Variants in APP observed in about 807,000 individuals in gnomAD.
APP encodes amyloid-beta precursor protein.
Under a neutral mutation model 101.4 loss-of-function variants are expected in APP, and 31 were observed. The ratio of observed to expected loss-of-function variants is 0.31; its 90% CI spans 0.23 to 0.41. The LOEUF (loss-of-function observed/expected upper bound fraction) is 0.41, where lower values mean the gene tolerates loss of function less well. Ranked by LOEUF, APP falls within the 10% of genes least tolerant of loss-of-function variation. The pLI is 1.00. For missense variants in APP, 839 were observed against 1,003.7 expected (o/e 0.84, Z 2.22); for synonymous variants, 366 against 364.4 (o/e 1.00, Z -0.05).
At position 25,999,301 on chromosome 21, in the gene APP, A is replaced by C. The variant is rs185035635; in HGVS notation, c.1033+714T>G. ...AATGAGACCCTGTCTTTAAAAAAAC[A>C]AAAAAAATAAAATTATGTTCCTCGA... On this transcript the variant is annotated intron_variant, in intron 7 of 17. Transcript: ENST00000346798. 3.6e-3 allele frequency among the ~76,000 whole-genome samples: 548 copies of C among 152,066 alleles called. 3 individuals carry two copies. Among genetic ancestry groups the C allele is most frequent in the Non-Finnish European group, 6.0e-3 (405 of 67,980 alleles).
At chr21:26,050,117 C>G (rs2045776850) in intron 5 of APP, among the ~76,000 whole-genome samples, 1 of 151,976 alleles carries the variant, frequency 6.6e-6, no homozygotes. Context: ...TCTATGGGGG[C>G]CCTAGTAGCA....
chr21:25,906,801 T>G (rs1380538115), intron 14 of APP, among the ~76,000 whole-genome samples: 1 of 151,762 alleles, frequency 6.6e-6, no homozygotes, highest in Non-Finnish European at 1.5e-5. Flanking sequence ...CAACTGCAGT[T>G]AAGAACACAA....
In APP at chr21:25,881,782, A is replaced by G; in HGVS notation, c.2212-11T>C. On this transcript the variant is annotated splice_polypyrimidine_tract_variant and intron_variant, in intron 17 of 17. Coordinates refer to ENST00000346798, the MANE Select transcript of APP (RefSeq NM_000484.4). ...GACAGCGGCGTCAACCTGAAAAACAAGAGGAGAGCTGAGTAAAAAATAAAA... is the reference window on the plus strand; with the variant it reads ...GACAGCGGCGTCAACCTGAAAAACAGGAGGAGAGCTGAGTAAAAAATAAAA... The G allele has an allele frequency of 6.2e-7, 1 of 1,609,494 alleles. No individual in the cohort carries two copies. Among genetic ancestry groups the G allele is most frequent in the Non-Finnish European group, 8.5e-7 (1 of 1,177,786 alleles).
intron 5 of APP, among the ~76,000 whole-genome samples, chr21:26,022,564 G>C (rs1029260849): frequency 5.9e-5 from 9 of 151,992 alleles, no homozygotes; most frequent in Non-Finnish European, 1.2e-4. Context: ...TGTTAATCCA[G>C]GGGAAACTGT....
chr21:25,890,436 T>C (rs2037613592), intron 17 of APP, among the ~76,000 whole-genome samples: 1 of 152,180 alleles, frequency 6.6e-6, no homozygotes, highest in African/African-American at 2.4e-5. Context: ...CCTGGACTTT[T>C]CTCTGATGGA....
Position 25,997,436 on chromosome 21 carries a change from A to T in APP, c.1034-20T>A, listed in dbSNP as rs372561473. On this transcript the variant is annotated intron_variant, in intron 7 of 17. Transcript: ENST00000346798. The stretch of plus-strand genomic sequence containing the variant: ...GGGACACTATGGAAAAAATAAGAGA[A>T]CATAACTAAAAACAAAAAGAGAAAC... 6.2e-7 allele frequency: 1 copy of T among 1,600,718 alleles called. No individual in the cohort carries two copies. Among genetic ancestry groups the T allele is most frequent in the African/African-American group, 1.3e-5 (1 of 74,602 alleles).
In APP at chr21:25,904,312, AAAAT is replaced by A. The variant is rs577269092; in HGVS notation, c.1963+708_1963+711del. 2.4e-3 allele frequency among the ~76,000 whole-genome samples: 359 copies of A among 152,336 alleles called. 2 individuals carry two copies. Among genetic ancestry groups the A allele is most frequent in the African/African-American group, 8.5e-3 (352 of 41,564 alleles). On this transcript the variant is annotated intron_variant, in intron 15 of 17. Coordinates refer to ENST00000346798, the MANE Select transcript of APP (RefSeq NM_000484.4). ...TCTGCTGTGCTATGACATTATTCAT[AAAAT>A]AAAAATGTGTTTCTTCTTAATGTTT...
intron 8 of APP, among the ~76,000 whole-genome samples, chr21:25,986,753 C>T (rs533297105): frequency 2.8e-4 from 43 of 152,044 alleles, no homozygotes; most frequent in African/African-American, 1.0e-3. Flanking sequence ...GTTGGCACTC[C>T]GTCTCAAATA....
chr21:26,103,101 A>T (rs898769409), intron 2 of APP, among the ~76,000 whole-genome samples: 1 of 152,162 alleles, frequency 6.6e-6, no homozygotes, highest in Admixed American at 6.5e-5. Context: ...ACACTAAACA[A>T]AAAGAACAAT....
At chr21:25,950,587 G>C (rs1404905268) in intron 13 of APP, among the ~76,000 whole-genome samples, 1 of 152,028 alleles carries the variant, frequency 6.6e-6, no homozygotes, top group Non-Finnish European at 1.5e-5. Flanking sequence ...TCACCATGTT[G>C]GCCACGCTGG....
At chr21:26,109,325 A>T (rs1055905754) in intron 2 of APP, among the ~76,000 whole-genome samples, 2 of 152,184 alleles carry the variant, frequency 1.3e-5, no homozygotes, top group South Asian at 2.1e-4. Context: ...GGTGGTTTCA[A>T]TGTTTAAGCA....
At chr21:26,167,737 C>G (rs140453609) in intron 1 of APP, among the ~76,000 whole-genome samples, 2 of 152,274 alleles carry the variant, frequency 1.3e-5, no homozygotes, top group African/African-American at 4.8e-5. Context: ...CTTGCATGTT[C>G]CTTTTCATTT....
intron 9 of APP, among the ~76,000 whole-genome samples, chr21:25,976,863 G>A (rs376110570): frequency 6.6e-6 from 1 of 152,102 alleles, no homozygotes. Context: ...TCATTATGGG[G>A]GGAGTGGGTT....
intron 13 of APP, among the ~76,000 whole-genome samples, chr21:25,952,227 T>C (rs216782): frequency 0.2 from 22,254 of 108,910 alleles, 2,913 homozygotes; most frequent in African/African-American, 0.44. Flanking sequence ...CACACACACA[T>C]TAAGAGCACA....
chr21:26,113,890 T>C (rs937234050), intron 1 of APP, among the ~76,000 whole-genome samples: 13 of 152,156 alleles, frequency 8.5e-5, no homozygotes, highest in African/African-American at 3.1e-4. Context: ...GCAAAAACAT[T>C]AAAGAAAGTC....
chr21:26,077,062 CAAAAA>C (rs35080722), intron 3 of APP, among the ~76,000 whole-genome samples: 33 of 110,116 alleles, frequency 3.0e-4, no homozygotes, highest in African/African-American at 8.3e-4. Context: ...GACTCTGTCT[CAAAAA>C]AAAAAAAAAA....
intron 11 of APP, among the ~76,000 whole-genome samples, chr21:25,964,299 A>C (rs2041701824): frequency 6.6e-6 from 1 of 152,140 alleles, no homozygotes; most frequent in African/African-American, 2.4e-5. Flanking sequence ...TTCCTCTAAC[A>C]ATCTTTCTCC....
chr21:26,135,134 C>T (rs2062868835), intron 1 of APP, among the ~76,000 whole-genome samples: 1 of 152,216 alleles, frequency 6.6e-6, no homozygotes, highest in South Asian at 2.1e-4. Flanking sequence ...TTATTCCCTT[C>T]TTACAATTAT....
chr21:26,149,970 G>A (rs1176193537), intron 1 of APP, among the ~76,000 whole-genome samples: 1 of 152,044 alleles, frequency 6.6e-6, no homozygotes, highest in East Asian at 1.9e-4. Context: ...GTAGAAAAGG[G>A]GAAAAAAACC....
Sources: allele counts gnomAD v4.1 joint callset (sites outside exome capture counted in the v4.1 genomes callset), GRCh38; gene constraint gnomAD v4.1.1; transcripts MANE v1.5; gene names NCBI Gene and HGNC (gene_info 2026-07-23, HGNC 2026-07-21).